CBLN2: variants seen among roughly 807,000 people sequenced by gnomAD.
The protein encoded by CBLN2 is cerebellin 2 precursor, also known as cerebellin-2.
Under a neutral mutation model 15.0 loss-of-function variants are expected in CBLN2, and 7 were observed. That is an observed-to-expected ratio of 0.47 (90% CI 0.27 to 0.88). CBLN2 has a LOEUF of 0.88. Ranked by LOEUF, CBLN2 falls within the 40% of genes least tolerant of loss-of-function variation. CBLN2 has a pLI of 0.14. For synonymous variants in CBLN2, 149 were observed against 135.2 expected, an observed-to-expected ratio of 1.10 and a Z score of -0.71; for missense variants, 242 against 304.5, an observed-to-expected ratio of 0.79 and a Z score of 1.53.
intron 1 of CBLN2, chr18:72,618,749 C>T: frequency 1.4e-6 from 1 of 723,188 alleles, no homozygotes; most frequent in South Asian, 1.3e-5. Flanking sequence ...GTGGATGACA[C>T]TGTCATTCAG....
intron 1 of CBLN2, among the ~76,000 whole-genome samples, chr18:72,601,505 G>A (rs1242130923): frequency 1.3e-5 from 2 of 152,130 alleles, no homozygotes; most frequent in East Asian, 3.9e-4. Flanking sequence ...AGAGGAGAAG[G>A]TTTCCCACGT....
rs982220713 is a variant in CBLN2, at chr18:72,600,268, G to A, written c.15+38057C>T. ...TTATAAACTTGATCCTGAAATTGGGGTGTGTCGAGTAGGTTTTTGGAAAGT... is the reference window on the plus strand; with the variant it reads ...TTATAAACTTGATCCTGAAATTGGGATGTGTCGAGTAGGTTTTTGGAAAGT... On this transcript the variant is annotated intron_variant, in intron 1 of 2. Transcript: ENST00000581073. 3.3e-5 allele frequency among the ~76,000 whole-genome samples: 5 copies of A among 152,292 alleles called. No individual in the cohort carries two copies. The East Asian group carries it at 7.7e-4, about 24-fold the overall frequency.
At chr18:72,574,062 T>G (rs2069348873) in intron 1 of CBLN2, among the ~76,000 whole-genome samples, 2 of 152,236 alleles carry the variant, frequency 1.3e-5, no homozygotes, top group South Asian at 4.1e-4. Context: ...TTCATATCCC[T>G]ATTCACCGTT....
At chr18:72,563,719 C>T (rs2069276276) in intron 1 of CBLN2, among the ~76,000 whole-genome samples, 1 of 152,198 alleles carries the variant, frequency 6.6e-6, no homozygotes, top group Non-Finnish European at 1.5e-5. Flanking sequence ...CTGTGGCCAT[C>T]TGGTGGGCTA....
intron 1 of CBLN2, among the ~76,000 whole-genome samples, chr18:72,564,579 T>C (rs969116151): frequency 1.3e-5 from 2 of 152,176 alleles, no homozygotes; most frequent in African/African-American, 4.8e-5. Context: ...ATTTAATGAT[T>C]TATTAATATT....
intron 1 of CBLN2, among the ~76,000 whole-genome samples, chr18:72,631,754 A>C (rs1465271885): frequency 1.3e-5 from 2 of 152,158 alleles, no homozygotes; most frequent in Admixed American, 6.6e-5. Context: ...CCTCACTAGC[A>C]GTAGAGCTGC....
At chr18:72,563,294 A>C (rs1393562553) in intron 1 of CBLN2, among the ~76,000 whole-genome samples, 2 of 152,244 alleles carry the variant, frequency 1.3e-5, no homozygotes, top group African/African-American at 4.8e-5. Context: ...CAACCAATTT[A>C]ATGAGTTATT....
chr18:72,633,268 G>A (rs1367864840), intron 1 of CBLN2, among the ~76,000 whole-genome samples: 4 of 152,034 alleles, frequency 2.6e-5, no homozygotes, highest in Non-Finnish European at 5.9e-5. Flanking sequence ...AAACACTGTG[G>A]GCATACCTTT....
At chr18:72,615,534 C>T (rs1350259154) in intron 1 of CBLN2, among the ~76,000 whole-genome samples, 1 of 151,896 alleles carries the variant, frequency 6.6e-6, no homozygotes, top group Non-Finnish European at 1.5e-5. Context: ...GCCTTGGCTT[C>T]CCAAAGTGCT....
chr18:72,558,499 C>A (rs963930547), intron 1 of CBLN2, among the ~76,000 whole-genome samples: 1 of 152,128 alleles, frequency 6.6e-6, no homozygotes, highest in Non-Finnish European at 1.5e-5. Flanking sequence ...ATCCTTGAAC[C>A]TGAGGGTTAT....
upstream of CBLN2, among the ~76,000 whole-genome samples, chr18:72,546,504 A>T (rs901640063): frequency 4.6e-5 from 7 of 152,122 alleles, no homozygotes; most frequent in Non-Finnish European, 7.4e-5. Context: ...ATGCTTAGAA[A>T]TTTTTTAAGA....
Position 72,543,671 on chromosome 18 carries a change from C to T in CBLN2, c.-211-141G>A. Reference sequence around the variant, plus strand: ...AGCCTGCGCCGCTTCAGGGGTGCACCACGCCCCGCGCGCCCGCTTAGGCGC... The same window carrying T: ...AGCCTGCGCCGCTTCAGGGGTGCACTACGCCCCGCGCGCCCGCTTAGGCGC... On this transcript the variant is annotated intron_variant, in intron 1 of 4. Transcript: ENST00000269503. This position sits in a 1 kb window ranked among gnomAD's most constrained non-coding sequence, Gnocchi z 6.8. 1 of 365,044 alleles carries T rather than the reference C, an allele frequency of 2.7e-6. No homozygotes were observed. The highest frequency in any genetic ancestry group is 4.9e-6 in the Non-Finnish European group (1 of 204,640). 22.6% of individuals were successfully genotyped at this position (365,044 alleles called of 1,614,324 possible).
intron 1 of CBLN2, among the ~76,000 whole-genome samples, chr18:72,581,693 C>T (rs925212093): frequency 1.3e-5 from 2 of 152,016 alleles, no homozygotes; most frequent in East Asian, 1.9e-4. Context: ...TCTTTAATGT[C>T]GAATTTTGGT....
At chr18:72,579,273 A>G (rs921000941) in intron 1 of CBLN2, among the ~76,000 whole-genome samples, 6 of 152,244 alleles carry the variant, frequency 3.9e-5, no homozygotes, top group African/African-American at 1.2e-4. Context: ...CAAAAGCATA[A>G]TGAAAGTATC....
intron 1 of CBLN2, among the ~76,000 whole-genome samples, chr18:72,592,216 CATT>C (rs1285719268): frequency 6.6e-6 from 1 of 151,986 alleles, no homozygotes; most frequent in Non-Finnish European, 1.5e-5. Flanking sequence ...GATGATATCT[CATT>C]GTAGTTTTTG....
intron 1 of CBLN2, among the ~76,000 whole-genome samples, chr18:72,561,256 A>AC (rs2069259547): frequency 6.6e-6 from 1 of 151,522 alleles, no homozygotes; most frequent in Non-Finnish European, 1.5e-5. Context: ...AAAAAAAAAA[A>AC]AAAGATGCTT....
At chr18:72,619,620 T>G (rs909855301) in intron 1 of CBLN2, among the ~76,000 whole-genome samples, 1 of 152,220 alleles carries the variant, frequency 6.6e-6, no homozygotes, top group Non-Finnish European at 1.5e-5. Context: ...GATTCCATCT[T>G]ACCAGAGTAA....
intron 1 of CBLN2, among the ~76,000 whole-genome samples, chr18:72,599,175 T>C (rs1390664177): frequency 2.0e-5 from 3 of 152,230 alleles, no homozygotes; most frequent in Admixed American, 6.5e-5. Context: ...CTCAAAGCTA[T>C]CAATAAATTT....
intron 1 of CBLN2, among the ~76,000 whole-genome samples, chr18:72,636,382 T>A (rs1428701584): frequency 1.3e-5 from 2 of 152,150 alleles, no homozygotes; most frequent in Non-Finnish European, 2.9e-5. Context: ...AAATGATAAA[T>A]GAAATTAATG....
Sources: gnomAD v4.1 joint callset for allele counts (sites outside exome capture counted in the v4.1 genomes callset) on GRCh38, gnomAD v4.1.1 for gene constraint, Gnocchi (gnomAD v3.1) non-coding constraint, MANE v1.5 for transcripts, NCBI Gene and HGNC (gene_info 2026-07-23, HGNC 2026-07-21) for gene names.